The following GABRG3 variants were observed in gnomAD, a reference collection of about 807,000 sequenced individuals.
GABRG3 encodes the protein gamma-aminobutyric acid type A receptor subunit gamma3, also known as gamma-aminobutyric acid receptor subunit gamma-3.
GABRG3 carries 25 observed loss-of-function variants against 48.8 expected under a neutral mutation model. The ratio of observed to expected loss-of-function variants is 0.51; its 90% CI spans 0.37 to 0.72. GABRG3 has a LOEUF of 0.72. Among genes scored for constraint, GABRG3 ranks in the 30% least tolerant of loss-of-function variants. GABRG3 has a pLI of 0.00. For missense variants in GABRG3, 394 were observed against 577.9 expected (o/e 0.68, Z 3.26); for synonymous variants, 227 against 217.6 (o/e 1.04, Z -0.38).
chr15:27,456,338 G>T (rs772519204), intron 5 of GABRG3, among the ~76,000 whole-genome samples: 15 of 152,232 alleles, frequency 9.9e-5, no homozygotes, highest in Non-Finnish European at 1.9e-4. Flanking sequence ...GAGAATGTCT[G>T]TGAAAACACT....
intron 5 of GABRG3, among the ~76,000 whole-genome samples, chr15:27,461,495 A>G (rs1191509933): frequency 6.6e-6 from 1 of 152,214 alleles, no homozygotes; most frequent in East Asian, 1.9e-4. Flanking sequence ...CAAAGAGTGA[A>G]CAGCAGCAAG....
At chr15:27,408,117 A>T (rs1180840381) in intron 5 of GABRG3, among the ~76,000 whole-genome samples, 1 of 152,204 alleles carries the variant, frequency 6.6e-6, no homozygotes, top group South Asian at 2.1e-4. Context: ...TAAAAAATAA[A>T]GTCTTAAAAA....
intron 5 of GABRG3, among the ~76,000 whole-genome samples, chr15:27,463,526 C>T (rs1459106267): frequency 2.0e-5 from 3 of 152,202 alleles, no homozygotes; most frequent in Non-Finnish European, 4.4e-5. Context: ...CTCATTCACA[C>T]GGCTGATTCC....
At chr15:27,143,515 A>G (rs1165191312) in intron 3 of GABRG3, among the ~76,000 whole-genome samples, 1 of 152,258 alleles carries the variant, frequency 6.6e-6, no homozygotes, top group East Asian at 1.9e-4. Context: ...ATTTTACCAA[A>G]GAATCTTTCA....
intron 5 of GABRG3, among the ~76,000 whole-genome samples, chr15:27,385,930 C>T (rs1259289807): frequency 6.6e-6 from 1 of 152,068 alleles, no homozygotes; most frequent in Non-Finnish European, 1.5e-5. Context: ...GTTACACTTT[C>T]CTGTTTCTTT....
chr15:27,027,806 G>A (rs1210738797), intron 3 of GABRG3, among the ~76,000 whole-genome samples: 7 of 152,316 alleles, frequency 4.6e-5, no homozygotes, highest in Admixed American at 2.0e-4. Context: ...CAAGTTGTGA[G>A]TGTAATATTC....
In GABRG3 at chr15:27,065,437, C is replaced by T. The variant is rs149338929; in HGVS notation, c.270+38616C>T. Among the ~76,000 whole-genome samples, 501 of 152,220 alleles carry T rather than the reference C, an allele frequency of 3.3e-3. 3 individuals carry two copies. The highest frequency in any genetic ancestry group is 0.011 in the African/African-American group (463 of 41,536). ...AGGAATGTGTTTTTCCCTGGTTGGT[C>T]GGATGTTTCCCGATGGTGAGGACAC... On this transcript the variant is annotated intron_variant, in intron 3 of 9. Transcript: ENST00000615808.
intron 3 of GABRG3, among the ~76,000 whole-genome samples, chr15:27,320,827 T>C (rs992166526): frequency 6.6e-5 from 10 of 152,318 alleles, no homozygotes; most frequent in African/African-American, 2.2e-4. Flanking sequence ...GAAACAAATA[T>C]TGATTTTTCA....
At chr15:27,472,345 A>G (rs1595777901) in intron 5 of GABRG3, among the ~76,000 whole-genome samples, 1 of 152,184 alleles carries the variant, frequency 6.6e-6, no homozygotes, top group Non-Finnish European at 1.5e-5. Context: ...GTGCAATCTC[A>G]GCTCACTGCA....
intron 3 of GABRG3, among the ~76,000 whole-genome samples, chr15:27,048,599 C>G (rs1022265633): frequency 6.6e-6 from 1 of 152,208 alleles, no homozygotes; most frequent in African/African-American, 2.4e-5. Flanking sequence ...TCCCCTGAAA[C>G]TGCCACTGGA....
rs1426502650 is a variant in GABRG3, at chr15:26,976,990, C to T, written c.54-12C>T. ...GCCACTTATATGTCGCATTTTTGTGCTGTAACTCCAGGTCCAGAAAGGTGG... is the reference window on the plus strand; with the variant it reads ...GCCACTTATATGTCGCATTTTTGTGTTGTAACTCCAGGTCCAGAAAGGTGG... On this transcript the variant is annotated splice_polypyrimidine_tract_variant and intron_variant, in intron 1 of 9. Transcript: ENST00000615808. The surrounding 1 kb of genome is among the most constrained non-coding windows in gnomAD (Gnocchi z 7.8). The T allele has an allele frequency of 1.9e-6, 3 of 1,613,664 alleles. No homozygotes were observed. Among genetic ancestry groups the T allele is most frequent in the Admixed American group, 1.7e-5 (1 of 59,958 alleles).
At chr15:27,441,684 A>G (rs2140633228) in intron 5 of GABRG3, among the ~76,000 whole-genome samples, 1 of 152,140 alleles carries the variant, frequency 6.6e-6, no homozygotes, top group East Asian at 1.9e-4. Context: ...GGATTGGGGG[A>G]GGCAGGACAG....
chr15:27,116,743 G>T (rs886679877), intron 3 of GABRG3, among the ~76,000 whole-genome samples: 11 of 152,140 alleles, frequency 7.2e-5, no homozygotes, highest in African/African-American at 2.4e-4. Context: ...TGGGATTAAG[G>T]TTTTCATAAA....
intron 3 of GABRG3, among the ~76,000 whole-genome samples, chr15:27,113,661 T>C (rs1044748955): frequency 6.6e-6 from 1 of 152,218 alleles, no homozygotes; most frequent in Non-Finnish European, 1.5e-5. Context: ...GGACCCCAGC[T>C]TCCTGCTTTG....
chr15:27,498,742 G>A (rs1450299582), intron 6 of GABRG3, among the ~76,000 whole-genome samples: 1 of 152,008 alleles, frequency 6.6e-6, no homozygotes, highest in Non-Finnish European at 1.5e-5. Flanking sequence ...CTGACCTCAG[G>A]TAATCCACCC....
intron 5 of GABRG3, among the ~76,000 whole-genome samples, chr15:27,435,203 A>G (rs2140626869): frequency 6.7e-6 from 1 of 148,830 alleles, no homozygotes; most frequent in African/African-American, 2.4e-5. Flanking sequence ...TATATTTTAT[A>G]TATAATTATA....
chr15:27,328,180 C>T (rs571179788), intron 4 of GABRG3, among the ~76,000 whole-genome samples: 6 of 151,558 alleles, frequency 4.0e-5, no homozygotes, highest in South Asian at 4.2e-4. Context: ...AAAAACATTG[C>T]GAGCTGGAGT....
At chr15:27,351,083 ATAGT>A (rs891449273) in intron 5 of GABRG3, among the ~76,000 whole-genome samples, 2 of 132,350 alleles carry the variant, frequency 1.5e-5, no homozygotes, top group African/African-American at 5.8e-5. Context: ...ATGTGTGTGT[ATAGT>A]GTGTGTATGG....
chr15:27,334,787 A>T, intron 5 of GABRG3, among the ~76,000 whole-genome samples: 1 of 152,344 alleles, frequency 6.6e-6, no homozygotes, highest in East Asian at 1.9e-4. Flanking sequence ...ACAATATATT[A>T]GAAAAAATAC....
Sources: gnomAD v4.1 joint callset for allele counts (sites outside exome capture counted in the v4.1 genomes callset) on GRCh38, gnomAD v4.1.1 for gene constraint, Gnocchi (gnomAD v3.1) non-coding constraint, MANE v1.5 for transcripts, NCBI Gene and HGNC (gene_info 2026-07-23, HGNC 2026-07-21) for gene names.